The following TMX3 variants were observed in gnomAD, a reference collection of about 807,000 sequenced individuals.
TMX3 encodes protein disulfide-isomerase TMX3.
In TMX3, 40 loss-of-function variants were observed where a neutral mutation model predicts 64.4. That is an observed-to-expected ratio of 0.62 (90% confidence interval 0.48 to 0.81). TMX3 has a LOEUF of 0.81. TMX3 is among the 30% of genes least tolerant of loss of function. The pLI is 0.00. For missense variants in TMX3, 497 were observed against 534.5 expected (o/e 0.93, Z 0.69); for synonymous variants, 189 against 175.7 (o/e 1.08, Z -0.60).
At chr18:68,698,421 C>CT (rs1806962519) in intron 6 of TMX3, among the ~76,000 whole-genome samples, 1 of 152,088 alleles carries the variant, frequency 6.6e-6, no homozygotes, top group South Asian at 2.1e-4. Context: ...CACAAAAACA[C>CT]TGTGAATACC....
At chr18:68,680,632 C>T (rs1355481943) in intron 14 of TMX3, among the ~76,000 whole-genome samples, 2 of 152,118 alleles carry the variant, frequency 1.3e-5, no homozygotes, top group Admixed American at 6.6e-5. Flanking sequence ...AAGAGACAGG[C>T]AAGTTCACTA....
chr18:68,692,492 C>T (rs1914621735), intron 8 of TMX3, among the ~76,000 whole-genome samples: 1 of 151,992 alleles, frequency 6.6e-6, no homozygotes, highest in Non-Finnish European at 1.5e-5. Flanking sequence ...ATCCTTGTAC[C>T]CCCTTACTGC....
In TMX3 at chr18:68,674,846, G is replaced by C. The variant is rs1912799024; in HGVS notation, c.*2087C>G. On this transcript the variant is annotated 3_prime_UTR_variant, in exon 16 of 16. Transcript: ENST00000299608. ...CTTTAAAAGCACAAATAGAATATAA[G>C]GCAAACAGTACAAAGCTGTGAAAAG... 6.6e-6 allele frequency: 1 copy of C among 152,040 alleles called. No individual in the cohort carries two copies. The highest frequency in any genetic ancestry group is 2.4e-5 in the African/African-American group (1 of 41,404). 9.4% of individuals were successfully genotyped at this position (152,040 alleles called of 1,614,324 possible). A position where few individuals can be genotyped will look rare whatever the true frequency, so the allele number is the denominator to read the frequency against.
chr18:68,693,929 A>T (rs1035802742), intron 8 of TMX3, among the ~76,000 whole-genome samples: 1 of 152,086 alleles, frequency 6.6e-6, no homozygotes, highest in Non-Finnish European at 1.5e-5. Context: ...CACTTCCTCG[A>T]TTCTGAGCAC....
At chr18:68,700,322 T>C (rs972826941) in intron 6 of TMX3, 83 bp downstream of exon 6, 9 of 954,654 alleles carry the variant, frequency 9.4e-6, no homozygotes, top group African/African-American at 5.3e-5. Flanking sequence ...CCTTAAAATA[T>C]GTTTGTTCAA....
At chr18:68,703,706 G>A (rs1332008732) in intron 4 of TMX3, among the ~76,000 whole-genome samples, 1 of 152,168 alleles carries the variant, frequency 6.6e-6, no homozygotes, top group Non-Finnish European at 1.5e-5. Flanking sequence ...TGAGGCCAGT[G>A]GATCACAAGG....
intron 4 of TMX3, among the ~76,000 whole-genome samples, chr18:68,707,188 A>G (rs1417575195): frequency 2.7e-5 from 4 of 150,478 alleles, no homozygotes; most frequent in Non-Finnish European, 5.9e-5. Flanking sequence ...CTTTTCTACA[A>G]AGGGACTTTT....
intron 6 of TMX3, among the ~76,000 whole-genome samples, 167 bp downstream of exon 6, chr18:68,700,238 A>G (rs1324894812): frequency 6.6e-6 from 1 of 152,156 alleles, no homozygotes; most frequent in Admixed American, 6.5e-5. Flanking sequence ...TCTTTAAAGT[A>G]TTTCTTTGGA....
intron 9 of TMX3, chr18:68,688,339 C>T (rs1356226207): frequency 6.6e-6 from 1 of 152,130 alleles, no homozygotes; most frequent in Non-Finnish European, 1.5e-5. Context: ...AAAGGTACAA[C>T]TAACACAAAC....
Position 68,715,071 on chromosome 18 carries a change from G to A in TMX3, c.-90C>T, listed in dbSNP as rs1015583756. On this transcript the variant is annotated 5_prime_UTR_variant, in exon 1 of 16. Transcript: ENST00000299608. ...GCCTGCCCGCCCGGAAAGGGAAACGGAGCCGACCCGGAGCGGAAGAGAAGC... is the reference window on the plus strand; with the variant it reads ...GCCTGCCCGCCCGGAAAGGGAAACGAAGCCGACCCGGAGCGGAAGAGAAGC... 16 of 1,543,564 alleles carry A rather than the reference G, an allele frequency of 1.0e-5. No homozygotes were observed. Among genetic ancestry groups the A allele is most frequent in the Admixed American group, 2.0e-5 (1 of 50,466 alleles).
chr18:68,706,485 C>T (rs1455456931), intron 4 of TMX3: 4 of 151,682 alleles, frequency 2.6e-5, no homozygotes, highest in Admixed American at 6.6e-5. Context: ...ACTCTCAAGA[C>T]CCAATTGCAA....
chr18:68,684,504 C>G lies in TMX3; in HGVS notation c.737-19G>C. ...AGCTTTCCTGAAATAAAGAATGACA[C>G]ATCTGAATTCAATCACCCTTATTAC... is the stretch of plus-strand genomic sequence containing the variant. On this transcript the variant is annotated intron_variant, in intron 10 of 15. Coordinates refer to ENST00000299608, the MANE Select transcript of TMX3 (RefSeq NM_019022.5). 6.2e-7 allele frequency: 1 copy of G among 1,606,912 alleles called. No homozygotes were observed. The highest frequency in any genetic ancestry group is 8.5e-7 in the Non-Finnish European group (1 of 1,175,626).
intron 10 of TMX3, among the ~76,000 whole-genome samples, chr18:68,685,044 T>C (rs1176062553): frequency 6.6e-6 from 1 of 152,148 alleles, no homozygotes; most frequent in East Asian, 1.9e-4. Context: ...AGCATATGTA[T>C]CCTGATATCT....
intron 2 of TMX3, among the ~76,000 whole-genome samples, chr18:68,712,979 T>C (rs895916775): frequency 1.4e-5 from 2 of 147,358 alleles, no homozygotes; most frequent in Middle Eastern, 3.5e-3. Context: ...ATTCACTTAC[T>C]GTGACAGTGC....
In TMX3 at chr18:68,710,011, G is replaced by C; in HGVS notation, c.265+10C>G. ...AGAACAGTAAAATAATAAACTAAGTGAAGGCTTACTAGAATAGGAAGTAGC... is the reference window on the plus strand; with the variant it reads ...AGAACAGTAAAATAATAAACTAAGTCAAGGCTTACTAGAATAGGAAGTAGC... On this transcript the variant is annotated intron_variant, in intron 4 of 15. Coordinates refer to ENST00000299608, the MANE Select transcript of TMX3 (RefSeq NM_019022.5). 2 of 1,574,214 alleles carry C rather than the reference G, an allele frequency of 1.3e-6. No homozygotes were observed. Among genetic ancestry groups the C allele is most frequent in the Non-Finnish European group, 1.7e-6 (2 of 1,163,820 alleles).
chr18:68,702,574 G>T (rs555049330), intron 4 of TMX3, among the ~76,000 whole-genome samples: 1 of 152,072 alleles, frequency 6.6e-6, no homozygotes, highest in South Asian at 2.1e-4. Flanking sequence ...CAGGAAAGAA[G>T]AAATAAAATA....
At chr18:68,714,699 G>A (rs554139940) in intron 1 of TMX3, among the ~76,000 whole-genome samples, 2 of 152,310 alleles carry the variant, frequency 1.3e-5, no homozygotes, top group Non-Finnish European at 2.9e-5. Flanking sequence ...ACAAGGCAGC[G>A]CGCCCTTCCC....
chr18:68,713,962 C>G, intron 1 of TMX3, 62 bp from the exon 2 acceptor site: 1 of 1,203,990 alleles, frequency 8.3e-7, no homozygotes, highest in Non-Finnish European at 1.2e-6. Flanking sequence ...ACCGTATAAG[C>G]TTAGTCATCT....
At chr18:68,701,353 C>A (rs2030041392) in intron 5 of TMX3, among the ~76,000 whole-genome samples, 1 of 152,098 alleles carries the variant, frequency 6.6e-6, no homozygotes, top group South Asian at 2.1e-4. Flanking sequence ...AGAATTATCA[C>A]ATTTCTTTCA....
Sources: allele counts gnomAD v4.1 joint callset (sites outside exome capture counted in the v4.1 genomes callset), GRCh38; gene constraint gnomAD v4.1.1; transcripts MANE v1.5; gene names NCBI Gene and HGNC (gene_info 2026-07-23, HGNC 2026-07-21).